Variants in GSG1L2 observed in about 807,000 individuals in gnomAD.
GSG1L2 encodes the protein GSG1 like 2, also known as germ cell-specific gene 1-like protein 2.
In GSG1L2, 15 loss-of-function variants were observed where a neutral mutation model predicts 9.0. The ratio of observed to expected loss-of-function variants is 1.67; its 90% CI spans 1.12 to 2.57. GSG1L2 has a LOEUF of 2.57. Among genes scored for constraint, GSG1L2 ranks in the 30% most tolerant of loss-of-function variants. The pLI, the probability that GSG1L2 is intolerant of heterozygous loss-of-function variation, is 0.00. For synonymous variants in GSG1L2, 127 were observed against 57.9 expected, an observed-to-expected ratio of 2.19 and a Z score of -5.41; for missense variants, 286 against 150.3, an observed-to-expected ratio of 1.90 and a Z score of -4.72.
rs867538202 is a variant in GSG1L2 at position 9,807,148 on chromosome 17, G to A, written c.623+342C>T. ...AGAAACAGGGGCTGGGTCTCCCCCA[G>A]TTGAAGTTATTTATTAGGAGTTATA... On this transcript the variant is annotated intron_variant, in intron 4 of 4. Coordinates refer to ENST00000399363, the MANE Select transcript of GSG1L2 (RefSeq NM_001310219.2). Among the ~76,000 whole-genome samples, 7 of 152,158 alleles carry A rather than the reference G, an allele frequency of 4.6e-5. No individual in the cohort carries two copies. In the South Asian group the frequency reaches 6.2e-4, roughly 14 times the overall value.
intron 1 of GSG1L2, among the ~76,000 whole-genome samples, chr17:9,813,451 C>T (rs2066547014): frequency 6.6e-6 from 1 of 152,244 alleles, no homozygotes; most frequent in Non-Finnish European, 1.5e-5. Context: ...GATCAGGGAC[C>T]TGTCAGTCCA....
intron 4 of GSG1L2, chr17:9,805,184 G>A (rs921869731): frequency 3.9e-5 from 6 of 152,026 alleles, no homozygotes; most frequent in Admixed American, 6.6e-5. Context: ...AAAAACTGAC[G>A]AAAGGAAATA....
At chr17:9,816,612 CTGTG>C (rs575800647) in intron 1 of GSG1L2, among the ~76,000 whole-genome samples, 5 of 35,402 alleles carry the variant, frequency 1.4e-4, no homozygotes, top group African/African-American at 5.7e-4. Flanking sequence ...CTGTGTGTGT[CTGTG>C]TGTCTGTTTT....
At chr17:9,809,155 A>T in intron 2 of GSG1L2, 173 bp from the exon 3 acceptor site, 7 of 548,488 alleles carry the variant, frequency 1.3e-5, no homozygotes, top group Non-Finnish European at 2.0e-5. Context: ...GGCACTCCTC[A>T]GGGCTGAAAG....
intron 1 of GSG1L2, among the ~76,000 whole-genome samples, chr17:9,813,135 G>A (rs1003320830): frequency 1.3e-5 from 2 of 152,178 alleles, no homozygotes; most frequent in African/African-American, 2.4e-5. Context: ...GATGATATGT[G>A]TGCAAGCATA....
intron 4 of GSG1L2, among the ~76,000 whole-genome samples, chr17:9,803,094 T>G (rs1209719608): frequency 6.9e-6 from 1 of 143,886 alleles, no homozygotes; most frequent in Non-Finnish European, 1.5e-5. Context: ...GGCATTGGTG[T>G]CATTACTTTT....
In GSG1L2 at chr17:9,808,886, G is replaced by C. The variant is rs1461686843; in HGVS notation, c.455C>G (p.Pro152Arg). Residue 152 changes from proline to arginine, a missense_variant, in exon 3 of 5, where the codon CCT becomes CGT. Coordinates refer to ENST00000399363, the MANE Select transcript of GSG1L2 (RefSeq NM_001310219.2). Reference sequence around the variant, plus strand: ...ATCCACCCTGAGCCAGTGGAACCCAGGGCTGCGACAACTCACTCTGGAGCC... The same window carrying C: ...ATCCACCCTGAGCCAGTGGAACCCACGGCTGCGACAACTCACTCTGGAGCC... ...LLGSRVSCRS[P>R]GFHWLRVDAL... is the part of the protein sequence containing the mutation. 4.3e-6 allele frequency: 3 copies of C among 702,978 alleles called. No homozygotes were observed. The Admixed American group carries it at 6.0e-5, about 14-fold the overall frequency. 43.5% of individuals were successfully genotyped at this position (702,978 alleles called of 1,614,324 possible). A position where few individuals can be genotyped will look rare whatever the true frequency, so the allele number is the denominator to read the frequency against.
chr17:9,816,664 CGTGTGTGTCTGTGT>C (rs2066565025), intron 1 of GSG1L2, among the ~76,000 whole-genome samples: 1 of 132,128 alleles, frequency 7.6e-6, no homozygotes, highest in Non-Finnish European at 1.7e-5. Context: ...TCTGTGTGTG[CGTGTGTGTCTGTGT>C]GTGTGTGTCT....
chr17:9,816,779 GTC>G (rs76998812), intron 1 of GSG1L2, among the ~76,000 whole-genome samples: 75,729 of 148,452 alleles, frequency 0.51, 20,366 homozygotes, highest in East Asian at 0.99. Flanking sequence ...GTGCGTGTGT[GTC>G]TGTGTGTGCG....
At chr17:9,809,364 G>C in intron 2 of GSG1L2, 1 of 298,198 alleles carries the variant, frequency 3.4e-6, no homozygotes, top group Non-Finnish European at 6.5e-6. Context: ...ACAGACCTTC[G>C]CAGTGAGTGT....
At chr17:9,817,652 C>T (rs1262504371) in intron 1 of GSG1L2, among the ~76,000 whole-genome samples, 1 of 151,922 alleles carries the variant, frequency 6.6e-6, no homozygotes, top group Non-Finnish European at 1.5e-5. Context: ...CTTGAACTCC[C>T]GACCTCAAGT....
chr17:9,813,422 C>T (rs570490020), intron 1 of GSG1L2, among the ~76,000 whole-genome samples: 35 of 152,342 alleles, frequency 2.3e-4, no homozygotes, highest in African/African-American at 7.9e-4. Flanking sequence ...TTTACACAGC[C>T]TGGGGCTGAG....
At chr17:9,811,908 G>A (rs926286781) in intron 1 of GSG1L2, among the ~76,000 whole-genome samples, 1 of 152,200 alleles carries the variant, frequency 6.6e-6, no homozygotes, top group Non-Finnish European at 1.5e-5. Context: ...GATCCTGGTG[G>A]GAGCTGAAGC....
intron 1 of GSG1L2, 95 bp from the exon 2 acceptor site, chr17:9,810,713 G>T: frequency 1.4e-6 from 1 of 693,200 alleles, no homozygotes; most frequent in South Asian, 1.5e-5. Flanking sequence ...ATGAGGAATG[G>T]GGAGTGTGCA....
In GSG1L2 at chr17:9,820,150, C is replaced by T. The variant is rs190418013; in HGVS notation, c.310+1612G>A. On this transcript the variant is annotated intron_variant, in intron 1 of 4. Transcript: ENST00000399363. The surrounding 1 kb of genome is among the most constrained non-coding windows in gnomAD (Gnocchi z 4.9). ...GAATACAGACCTCTAGACTCCACCC[C>T]GGCTCTCTTAAATTAGAACCTCCAG... Among the ~76,000 whole-genome samples, 64 of 152,098 alleles carry T rather than the reference C, an allele frequency of 4.2e-4. No individual in the cohort carries two copies. Among genetic ancestry groups the T allele is most frequent in the Admixed American group, 7.2e-4 (11 of 15,292 alleles).
At chr17:9,819,571 G>A (rs557502598) in intron 1 of GSG1L2, among the ~76,000 whole-genome samples, 51 of 152,294 alleles carry the variant, frequency 3.3e-4, no homozygotes, top group African/African-American at 1.2e-3. Context: ...TTTCATAGTA[G>A]CTTTTCAAAA....
intron 1 of GSG1L2, among the ~76,000 whole-genome samples, chr17:9,816,443 TG>T (rs2066560899): frequency 7.6e-6 from 1 of 132,262 alleles, no homozygotes; most frequent in African/African-American, 3.2e-5. Context: ...TCTCTCTGTG[TG>T]CGTGTGTCTG....
intron 2 of GSG1L2, chr17:9,809,209 G>C: frequency 3.8e-6 from 2 of 520,792 alleles, no homozygotes; most frequent in South Asian, 4.2e-5. Context: ...GCGGTGGGGT[G>C]GGGGCGGGGA....
intron 4 of GSG1L2, among the ~76,000 whole-genome samples, chr17:9,803,316 C>T (rs187932860): frequency 2.0e-4 from 30 of 152,074 alleles, no homozygotes; most frequent in African/African-American, 5.1e-4. Context: ...TTGGCCAGGC[C>T]GGTCTTGACC....
Sources: gnomAD v4.1 joint callset for allele counts (sites outside exome capture counted in the v4.1 genomes callset) on GRCh38, gnomAD v4.1.1 for gene constraint, Gnocchi (gnomAD v3.1) non-coding constraint, MANE v1.5 for transcripts, NCBI Gene and HGNC (gene_info 2026-07-23, HGNC 2026-07-21) for gene names.